The following TRIM55 variants were observed in gnomAD, a reference collection of about 807,000 sequenced individuals.
TRIM55 encodes the protein tripartite motif containing 55, also known as tripartite motif-containing protein 55.
In TRIM55, 50 loss-of-function variants were observed where a neutral mutation model predicts 60.9. The observed-to-expected ratio is 0.82, with a 90% CI of 0.65 to 1.04. The LOEUF is 1.04. TRIM55 is among the 50% of genes least tolerant of loss of function. The probability of loss-of-function intolerance (pLI) is 0.00; values close to 1 mark genes in which losing one functional copy is unlikely to be tolerated. For synonymous variants in TRIM55, 237 were observed against 238.1 expected, an observed-to-expected ratio of 1.00 and a Z score of 0.04; for missense variants, 681 against 666.9, an observed-to-expected ratio of 1.02 and a Z score of -0.23.
At chr8:66,161,105 T>A (rs150953309) in intron 9 of TRIM55, among the ~76,000 whole-genome samples, 1,809 of 152,280 alleles carry the variant, frequency 0.012, 19 homozygotes, top group Non-Finnish European at 0.016. Context: ...TAAGCCAATG[T>A]CTAGAAGGGT....
chr8:66,128,059 T>A (rs748282059), intron 1 of TRIM55, among the ~76,000 whole-genome samples: 1 of 152,178 alleles, frequency 6.6e-6, no homozygotes, highest in Non-Finnish European at 1.5e-5. Context: ...TGGCTGGAAC[T>A]TTTGGTTCTG....
intron 4 of TRIM55, among the ~76,000 whole-genome samples, chr8:66,147,283 T>A (rs751472780): frequency 4.6e-5 from 7 of 152,214 alleles, no homozygotes; most frequent in Non-Finnish European, 1.0e-4. Context: ...GTAAGGCATT[T>A]ACTATTAAAA....
chr8:66,167,321 CCT>C (rs1248511808), intron 9 of TRIM55, among the ~76,000 whole-genome samples: 2 of 152,156 alleles, frequency 1.3e-5, no homozygotes, highest in Non-Finnish European at 2.9e-5. Context: ...GTAAGAAACC[CCT>C]GTCTGTGAAG....
At chr8:66,114,080 A>ACG in the TRIM55 span, among the ~76,000 whole-genome samples, 1 of 39,558 alleles carries the variant, frequency 2.5e-5, no homozygotes. Context: ...CGAAGGAGAG[A>ACG]CACCCCCCCC....
At chr8:66,117,505 C>T in the TRIM55 span, among the ~76,000 whole-genome samples, 1 of 152,182 alleles carries the variant, frequency 6.6e-6, no homozygotes, top group Non-Finnish European at 1.5e-5. Flanking sequence ...ATATTTGTCA[C>T]ATACATCTTA....
chr8:66,133,497 T>C (rs185678803), intron 2 of TRIM55, among the ~76,000 whole-genome samples: 64 of 152,290 alleles, frequency 4.2e-4, no homozygotes, highest in Middle Eastern at 6.8e-3. Flanking sequence ...TTCTCAATTG[T>C]GGAGTTGACT....
At chr8:66,133,745 G>T (rs1809308365) in intron 2 of TRIM55, among the ~76,000 whole-genome samples, 1 of 152,142 alleles carries the variant, frequency 6.6e-6, no homozygotes, top group South Asian at 2.1e-4. Context: ...TCTTACAGAG[G>T]CACATCAGCA....
intron 9 of TRIM55, among the ~76,000 whole-genome samples, chr8:66,168,316 T>G (rs1811435480): frequency 1.3e-5 from 2 of 152,224 alleles, no homozygotes; most frequent in Non-Finnish European, 2.9e-5. Context: ...GTGACTGGCC[T>G]GGGTTCTTGG....
chr8:66,162,097 G>A (rs1040149960), intron 9 of TRIM55, among the ~76,000 whole-genome samples: 25 of 150,678 alleles, frequency 1.7e-4, no homozygotes, highest in African/African-American at 6.0e-4. Flanking sequence ...TCTTGTTCTT[G>A]TTCTCAGGGG....
intron 7 of TRIM55, among the ~76,000 whole-genome samples, chr8:66,151,749 C>A (rs1470059145): frequency 6.6e-6 from 1 of 151,948 alleles, no homozygotes; most frequent in African/African-American, 2.4e-5. Flanking sequence ...GAGGCAGAGG[C>A]AGGAGAATCA....
At chr8:66,117,938 G>A in the TRIM55 span, among the ~76,000 whole-genome samples, 164 of 151,928 alleles carry the variant, frequency 1.1e-3, no homozygotes, top group Middle Eastern at 3.4e-3. Context: ...AGGCCGAGGC[G>A]GGTGGATCAC....
At chr8:66,119,732 A>T in the TRIM55 span, among the ~76,000 whole-genome samples, 1 of 152,296 alleles carries the variant, frequency 6.6e-6, no homozygotes, top group African/African-American at 2.4e-5. Context: ...CTTCATATGC[A>T]TTTGAATTTG....
intron 4 of TRIM55, among the ~76,000 whole-genome samples, chr8:66,145,955 T>C (rs377177455): frequency 1.5e-4 from 23 of 152,302 alleles, no homozygotes; most frequent in East Asian, 5.8e-4. Context: ...GCACCAATAA[T>C]AAATGGTCGG....
At chr8:66,157,409 G>A (rs896447402) in intron 9 of TRIM55, among the ~76,000 whole-genome samples, 7 of 152,244 alleles carry the variant, frequency 4.6e-5, no homozygotes, top group South Asian at 2.1e-4. Flanking sequence ...GCAAATTCCC[G>A]GCCTCTGAGA....
At chr8:66,165,086 G>A (rs957280523) in intron 9 of TRIM55, among the ~76,000 whole-genome samples, 5 of 152,036 alleles carry the variant, frequency 3.3e-5, no homozygotes, top group Non-Finnish European at 5.9e-5. Context: ...CAGTCTTTCA[G>A]AAACCAATAC....
At chr8:66,170,693 GGGA>G (rs1202473425) in intron 9 of TRIM55, among the ~76,000 whole-genome samples, 1 of 152,148 alleles carries the variant, frequency 6.6e-6, no homozygotes, top group Non-Finnish European at 1.5e-5. Flanking sequence ...ATGCACTGCT[GGGA>G]GAATGTAAAA....
chr8:66,143,258 T>A (rs1809922067), intron 4 of TRIM55, among the ~76,000 whole-genome samples: 1 of 152,206 alleles, frequency 6.6e-6, no homozygotes, highest in African/African-American at 2.4e-5. Context: ...TGCTTTAGGT[T>A]TTTTTCCTAT....
chr8:66,167,703 C>T (rs534599867), intron 9 of TRIM55, among the ~76,000 whole-genome samples: 4 of 152,294 alleles, frequency 2.6e-5, no homozygotes, highest in Admixed American at 1.3e-4. Context: ...CTCCACACAC[C>T]CCCTTAATCA....
intron 9 of TRIM55, among the ~76,000 whole-genome samples, chr8:66,156,166 C>T (rs1810728883): frequency 6.6e-6 from 1 of 152,184 alleles, no homozygotes; most frequent in Non-Finnish European, 1.5e-5. Flanking sequence ...CAGGAGGTGG[C>T]CAAGTGACTC....
Sources: gnomAD v4.1 joint callset for allele counts (sites outside exome capture counted in the v4.1 genomes callset) on GRCh38, gnomAD v4.1.1 for gene constraint, MANE v1.5 for transcripts, NCBI Gene and HGNC (gene_info 2026-07-23, HGNC 2026-07-21) for gene names.